The following PBRM1 variants were observed in gnomAD, a reference collection of about 807,000 sequenced individuals.
PBRM1 encodes protein polybromo-1.
In PBRM1, 27 loss-of-function variants were observed where a neutral mutation model predicts 194.5. That is an observed-to-expected ratio of 0.14 (90% CI 0.10 to 0.19). PBRM1 has a LOEUF of 0.19. PBRM1 is among the 10% of genes least tolerant of loss of function. The pLI is 1.00. For missense variants in PBRM1, 1,466 were observed against 2,077.2 expected, an observed-to-expected ratio of 0.71 and a Z score of 5.72; for synonymous variants, 655 against 693.2, an observed-to-expected ratio of 0.94 and a Z score of 0.87.
intron 13 of PBRM1, among the ~76,000 whole-genome samples, chr3:52,620,280 A>T (rs1228547560): frequency 6.6e-6 from 1 of 152,232 alleles, no homozygotes; most frequent in Non-Finnish European, 1.5e-5. Context: ...CTTTGAAGTC[A>T]GATGTGGTTT....
chr3:52,563,440 T>C, exon 24 of PBRM1: 1 of 1,614,084 alleles, frequency 6.2e-7, no homozygotes, highest in Non-Finnish European at 8.5e-7. Flanking sequence ...TTCTAGCAAC[T>C]GGATCTTCTT....
At chr3:52,646,526 C>T (rs2096293207) in intron 7 of PBRM1, among the ~76,000 whole-genome samples, 1 of 152,108 alleles carries the variant, frequency 6.6e-6, no homozygotes, top group South Asian at 2.1e-4. Context: ...TCAAAACTAA[C>T]CAAGTCTGGC....
intron 13 of PBRM1, among the ~76,000 whole-genome samples, chr3:52,619,881 C>A (rs2095188231): frequency 6.6e-6 from 1 of 152,194 alleles, no homozygotes; most frequent in Non-Finnish European, 1.5e-5. Context: ...AGGAAAAAAA[C>A]AGACAAGAGC....
intron 6 of PBRM1, among the ~76,000 whole-genome samples, chr3:52,649,140 CA>C (rs61046465): frequency 5.3e-5 from 8 of 152,204 alleles, no homozygotes; most frequent in African/African-American, 1.9e-4. Context: ...AGGGTAAAAA[CA>C]AAAGAGGCAG....
intron 24 of PBRM1, among the ~76,000 whole-genome samples, chr3:52,562,689 G>A (rs2083957496): frequency 6.6e-6 from 1 of 151,908 alleles, no homozygotes; most frequent in African/African-American, 2.4e-5. Context: ...GACTACAGGT[G>A]TGCATCACCA....
intron 7 of PBRM1, among the ~76,000 whole-genome samples, chr3:52,647,337 G>C (rs147794613): frequency 6.9e-6 from 1 of 144,908 alleles, no homozygotes; most frequent in Non-Finnish European, 1.5e-5. Context: ...AAATGGTAGA[G>C]TTTGGAAAAC....
chr3:52,666,308 C>T (rs1349600686), intron 3 of PBRM1, among the ~76,000 whole-genome samples: 4 of 151,828 alleles, frequency 2.6e-5, no homozygotes, highest in African/African-American at 7.3e-5. Flanking sequence ...TTTGGGAGGC[C>T]GAGGCAGGCA....
intron 10 of PBRM1, among the ~76,000 whole-genome samples, chr3:52,640,172 T>G (rs573604294): frequency 1.8e-4 from 27 of 152,220 alleles, no homozygotes; most frequent in South Asian, 4.1e-4. Flanking sequence ...TTATCAAAAG[T>G]CAGTGTAGCT....
intron 13 of PBRM1, among the ~76,000 whole-genome samples, chr3:52,621,879 C>T (rs1183786622): frequency 2.6e-5 from 4 of 151,590 alleles, no homozygotes; most frequent in Non-Finnish European, 1.5e-5. Flanking sequence ...CAGTGAGACA[C>T]CACCTCTTTA....
intron 13 of PBRM1, among the ~76,000 whole-genome samples, chr3:52,619,503 T>A (rs182350557): frequency 8.7e-4 from 133 of 152,066 alleles, no homozygotes; most frequent in South Asian, 7.1e-3. Flanking sequence ...AATTAAAAAA[T>A]TTTTTTTTCT....
At chr3:52,586,443 G>T (rs2153761419) in exon 20 of PBRM1, 1 of 1,612,146 alleles carries the variant, frequency 6.2e-7, no homozygotes, top group Non-Finnish European at 8.5e-7. Context: ...AGTTAAAATT[G>T]TCTTCAGCTC....
At chr3:52,562,069 C>T in intron 24 of PBRM1, 101 bp from the exon 27 acceptor site, 2 of 846,090 alleles carry the variant, frequency 2.4e-6, no homozygotes, top group Non-Finnish European at 4.0e-6. Context: ...CACCTGTAAT[C>T]CCAGCACTTT....
exon 26 of PBRM1, chr3:52,558,319 C>A: frequency 6.5e-7 from 1 of 1,549,600 alleles, no homozygotes; most frequent in Non-Finnish European, 8.7e-7. Context: ...CCATGAGAGC[C>A]CCCACAGGGG....
At chr3:52,629,646 T>G (rs1280704090) in intron 11 of PBRM1, among the ~76,000 whole-genome samples, 2 of 152,210 alleles carry the variant, frequency 1.3e-5, no homozygotes, top group Non-Finnish European at 2.9e-5. Flanking sequence ...TTAAAAGTCT[T>G]AAGATTCCAA....
chr3:52,586,240 A>T, intron 20 of PBRM1, 185 bp downstream of exon 22: 1 of 547,384 alleles, frequency 1.8e-6, no homozygotes, highest in Non-Finnish European at 3.2e-6. Context: ...GGCCTGATTT[A>T]CTTTTAAATT....
At chr3:52,664,942 G>A (rs544200506) in intron 3 of PBRM1, among the ~76,000 whole-genome samples, 15 of 152,028 alleles carry the variant, frequency 9.9e-5, no homozygotes, top group African/African-American at 3.1e-4. Flanking sequence ...ATTACTACTC[G>A]CAAATTCTAT....
At chr3:52,678,710 T>C (rs2097154927) in intron 1 of PBRM1, 113 bp from the exon 3 acceptor site, 1 of 640,414 alleles carries the variant, frequency 1.6e-6, no homozygotes, top group South Asian at 1.9e-5. Context: ...AGAAAAATGA[T>C]GACTCTCAAT....
At chr3:52,572,231 A>G (rs2087627229) in intron 22 of PBRM1, among the ~76,000 whole-genome samples, 1 of 152,260 alleles carries the variant, frequency 6.6e-6, no homozygotes, top group South Asian at 2.1e-4. Flanking sequence ...AAACGTTATA[A>G]AAATCTACTG....
chr3:52,675,191 C>T (rs2154030379), intron 2 of PBRM1, among the ~76,000 whole-genome samples: 1 of 152,184 alleles, frequency 6.6e-6, no homozygotes, highest in South Asian at 2.1e-4. Context: ...CCTGAGTAAA[C>T]CTATAACTAG....
Sources: gnomAD v4.1 joint callset for allele counts (sites outside exome capture counted in the v4.1 genomes callset) on GRCh38, gnomAD v4.1.1 for gene constraint, MANE v1.5 for transcripts, NCBI Gene and HGNC (gene_info 2026-07-23, HGNC 2026-07-21) for gene names.